Variants in ALMS1 observed in about 807,000 individuals in gnomAD.
ALMS1 encodes the protein centrosome-associated protein ALMS1.
Under a neutral mutation model 352.2 loss-of-function variants are expected in ALMS1, and 271 were observed. The ratio of observed to expected loss-of-function variants is 0.77; its 90% CI spans 0.70 to 0.85. The LOEUF (loss-of-function observed/expected upper bound fraction) is 0.85. ALMS1 is among the 40% of genes least tolerant of loss of function. The pLI is 0.00. For synonymous variants in ALMS1, 1,865 were observed against 1,761.2 expected, an observed-to-expected ratio of 1.06 and a Z score of -1.48; for missense variants, 5,445 against 4,870.7, an observed-to-expected ratio of 1.12 and a Z score of -3.51.
rs1675895846 is a variant in ALMS1, at chr2:73,609,583, C to G, written c.12478C>G (p.Leu4160Val). The change falls in exon 23 of 23, where the codon CTT becomes GTT. Residue 4160 changes from leucine to valine, a missense_variant. Coordinates refer to ENST00000613296, the MANE Select transcript of ALMS1 (RefSeq NM_001378454.1). ...QLYKKRVTNQLLGRKVPWD is the reference protein window; with the variant it reads ...QLYKKRVTNQVLGRKVPWD ...TCTTCTACAGAGAGTGACCAATCAA[C>G]TTCTGGGGAGAAAAGTTCCCTGGGA... The G allele has an allele frequency of 6.2e-7, 1 of 1,614,154 alleles. No homozygotes were observed. Among genetic ancestry groups the G allele is most frequent in the Non-Finnish European group, 8.5e-7 (1 of 1,179,994 alleles).
At chr2:73,569,236 A>G (rs1383191279) in intron 15 of ALMS1, among the ~76,000 whole-genome samples, 3 of 151,482 alleles carry the variant, frequency 2.0e-5, no homozygotes, top group Non-Finnish European at 4.4e-5. Context: ...GCTGGTCTTG[A>G]ACTCCTGACC....
chr2:73,482,965 CTCTT>C (rs1672746651), intron 9 of ALMS1, among the ~76,000 whole-genome samples: 1 of 152,224 alleles, frequency 6.6e-6, no homozygotes, highest in Non-Finnish European at 1.5e-5. Flanking sequence ...TGATTCTTCT[CTCTT>C]TTTTTCTTTA....
chr2:73,548,454 C>T (rs1489577673), intron 12 of ALMS1, among the ~76,000 whole-genome samples: 1 of 152,210 alleles, frequency 6.6e-6, no homozygotes. Context: ...GATTCTCTTG[C>T]TTATTCACCC....
chr2:73,608,564 T>C lies in ALMS1; in HGVS notation c.12452T>C (p.Leu4151Pro), dbSNP rs1456420451. The change falls in exon 22 of 23, where the codon CTA becomes CCA. Residue 4151 changes from leucine to proline, a missense_variant. Physicochemically the swap from Leu to Pro is moderately conservative, Grantham distance 98 (BLOSUM62 -3). Transcript: ENST00000613296. ...EYKSYRLRAQLYKKRVTNQLL... is the reference protein window; with the variant it reads ...EYKSYRLRAQPYKKRVTNQLL... ...AAGTCATACCGGCTGCGAGCCCAGC[T>C]ATATAAAAAGGTCAGTGGGTCCTCT... 6.2e-7 allele frequency: 1 copy of C among 1,613,738 alleles called. No individual in the cohort carries two copies. Among genetic ancestry groups the C allele is most frequent in the East Asian group, 2.2e-5 (1 of 44,868 alleles).
intron 1 of ALMS1, among the ~76,000 whole-genome samples, chr2:73,397,987 G>C (rs533365290): frequency 2.8e-4 from 42 of 152,214 alleles, no homozygotes; most frequent in African/African-American, 9.6e-4. Flanking sequence ...ATTAAATCCA[G>C]CTTATCAATT....
intron 16 of ALMS1, among the ~76,000 whole-genome samples, chr2:73,579,421 C>T (rs545573079): frequency 4.5e-4 from 68 of 151,714 alleles, no homozygotes; most frequent in East Asian, 1.2e-3. Flanking sequence ...AGTACAGTGG[C>T]GTGATCTTGG....
chr2:73,484,564 C>G (rs1368850387), intron 9 of ALMS1, among the ~76,000 whole-genome samples: 1 of 151,280 alleles, frequency 6.6e-6, no homozygotes. Flanking sequence ...TGGAGTTGCT[C>G]TTCTCGAGGA....
Position 73,419,233 on chromosome 2 carries a change from C to T in ALMS1, c.561C>T (p.Phe187=), listed in dbSNP as rs1671239529. ...VRTEDTEVTD[F]PSLEEGILTQ... ...CGGAAGATACTGAAGTGACAGACTTCCCCTCTCTGGAGGAGGGCATATTGA... is the reference window on the plus strand; with the variant it reads ...CGGAAGATACTGAAGTGACAGACTTTCCCTCTCTGGAGGAGGGCATATTGA... Residue 187 remains phenylalanine, a synonymous_variant, in exon 3 of 23, where the codon TTC becomes TTT. Coordinates refer to ENST00000613296, the MANE Select transcript of ALMS1 (RefSeq NM_001378454.1). The T allele has an allele frequency of 1.2e-6, 2 of 1,613,856 alleles. No homozygotes were observed. The highest frequency in any genetic ancestry group is 2.7e-5 in the African/African-American group (2 of 74,912).
chr2:73,510,201 T>G (rs1196941083), intron 10 of ALMS1, among the ~76,000 whole-genome samples: 1 of 152,166 alleles, frequency 6.6e-6, no homozygotes, highest in East Asian at 1.9e-4. Context: ...ATTACCCACC[T>G]TCTGAAGCCT....
chr2:73,422,368 T>A (rs1671299405), intron 3 of ALMS1, among the ~76,000 whole-genome samples: 1 of 152,098 alleles, frequency 6.6e-6, no homozygotes, highest in South Asian at 2.1e-4. Context: ...TTGAATAAAA[T>A]TTTGACATTA....
intron 1 of ALMS1, among the ~76,000 whole-genome samples, chr2:73,391,952 T>G (rs954835176): frequency 2.2e-4 from 33 of 152,220 alleles, no homozygotes; most frequent in African/African-American, 7.7e-4. Flanking sequence ...TTAATTTTGG[T>G]GGTTTTCCTA....
In ALMS1 at chr2:73,451,946, T is replaced by G; in HGVS notation, c.5419T>G (p.Ser1807Ala). ...GVSTVTSTSY[S>A]HREKPIVSYQ... ...ATCAACAGTAACCTCTACTTCCTAC[T>G]CACACAGAGAGAAGCCCATTGTTTC... is the stretch of plus-strand genomic sequence containing the variant. The change falls in exon 8 of 23, where the codon TCA becomes GCA. Residue 1807 changes from serine (S) to alanine (A), a missense_variant. By Grantham distance (99) the Ser-to-Ala change is moderately conservative. Coordinates refer to ENST00000613296, the MANE Select transcript of ALMS1 (RefSeq NM_001378454.1). 1 of 1,613,712 alleles carries G rather than the reference T, an allele frequency of 6.2e-7. No homozygotes were observed. The highest frequency in any genetic ancestry group is 8.5e-7 in the Non-Finnish European group (1 of 1,179,886).
Position 73,599,335 on chromosome 2 carries a change from T to A in ALMS1, c.11548-66T>A, listed in dbSNP as rs1675620593. ...TTAGAAAGAGGACTTGTTGGCTTGCTTATCCTGTGGATAACTGTGACATTG... is the reference window on the plus strand; with the variant it reads ...TTAGAAAGAGGACTTGTTGGCTTGCATATCCTGTGGATAACTGTGACATTG... On this transcript the variant is annotated intron_variant, in intron 16 of 22. Coordinates refer to ENST00000613296, the MANE Select transcript of ALMS1 (RefSeq NM_001378454.1). 7 of 1,598,338 alleles carry A rather than the reference T, an allele frequency of 4.4e-6. No homozygotes were observed. The Admixed American group carries it at 8.3e-5, about 19-fold the overall frequency.
At chr2:73,442,066 A>G (rs1671730225) in intron 7 of ALMS1, among the ~76,000 whole-genome samples, 1 of 152,138 alleles carries the variant, frequency 6.6e-6, no homozygotes, top group African/African-American at 2.4e-5. Flanking sequence ...TATTAATAAT[A>G]GCTGACATTT....
chr2:73,411,372 C>G (rs1472285304), intron 2 of ALMS1, among the ~76,000 whole-genome samples: 1 of 152,242 alleles, frequency 6.6e-6, no homozygotes, highest in Middle Eastern at 3.4e-3. Flanking sequence ...TTTCAGACTT[C>G]TGGCCTCCAG....
chr2:73,567,928 C>T (rs1226562408), intron 15 of ALMS1, among the ~76,000 whole-genome samples: 2 of 151,914 alleles, frequency 1.3e-5, no homozygotes, highest in Non-Finnish European at 1.5e-5. Flanking sequence ...TATCATAATG[C>T]AAAATCAATT....
chr2:73,527,744 A>T (rs900017335), intron 11 of ALMS1, among the ~76,000 whole-genome samples: 13 of 151,752 alleles, frequency 8.6e-5, no homozygotes, highest in Non-Finnish European at 1.9e-4. Flanking sequence ...TTCTCATATC[A>T]ATTTTATGTA....
chr2:73,603,453 T>TAA, intron 21 of ALMS1, 149 bp downstream of exon 21: 1 of 665,618 alleles, frequency 1.5e-6, no homozygotes, highest in Non-Finnish European at 2.5e-6. Flanking sequence ...CTTATGGCAC[T>TAA]GAAAAAAAAA....
At chr2:73,410,333 G>C (rs201077033) in intron 2 of ALMS1, among the ~76,000 whole-genome samples, 2 of 152,208 alleles carry the variant, frequency 1.3e-5, no homozygotes, top group East Asian at 3.9e-4. Flanking sequence ...AGGTTGCAGT[G>C]AGCTGAGGTT....
Sources: gnomAD v4.1 joint callset for allele counts (sites outside exome capture counted in the v4.1 genomes callset) on GRCh38, gnomAD v4.1.1 for gene constraint, MANE v1.5 for transcripts, NCBI Gene and HGNC (gene_info 2026-07-23, HGNC 2026-07-21) for gene names.